The following PRKCH variants were observed in gnomAD, a reference collection of about 807,000 sequenced individuals.
The protein encoded by PRKCH is protein kinase C eta, also known as protein kinase C eta type.
A neutral mutation model predicts 82.5 loss-of-function variants in PRKCH; 28 were observed. The observed-to-expected ratio is 0.34, with a 90% CI of 0.25 to 0.47. The LOEUF is 0.47. Among genes scored for constraint, PRKCH ranks in the 20% least tolerant of loss-of-function variants. The probability of loss-of-function intolerance (pLI) is 1.00; values close to 1 mark genes in which losing one functional copy is unlikely to be tolerated. For missense variants in PRKCH, 705 were observed against 881.8 expected, an observed-to-expected ratio of 0.80 and a Z score of 2.54; for synonymous variants, 322 against 327.4, an observed-to-expected ratio of 0.98 and a Z score of 0.18.
At chr14:61,225,191 C>G (rs1450133769) in intron 1 of PRKCH, among the ~76,000 whole-genome samples, 5 of 152,132 alleles carry the variant, frequency 3.3e-5, no homozygotes, top group Non-Finnish European at 7.4e-5. Flanking sequence ...GTGTGGCTCA[C>G]AGCATGGTTA....
At chr14:61,454,999 T>A (rs1176924210) in intron 7 of PRKCH, among the ~76,000 whole-genome samples, 2 of 151,968 alleles carry the variant, frequency 1.3e-5, no homozygotes, top group Non-Finnish European at 2.9e-5. Flanking sequence ...ACTGAAGGAC[T>A]CCTGCCTAGT....
At chr14:61,320,058 GGCTCAT>G (rs890824116), upstream of PRKCH, among the ~76,000 whole-genome samples, 33 of 152,172 alleles carry the variant, frequency 2.2e-4, no homozygotes, top group African/African-American at 8.0e-4. Context: ...CAGGCACGGG[GGCTCAT>G]GCCTGTAATC....
intron 10 of PRKCH, among the ~76,000 whole-genome samples, chr14:61,509,441 C>T (rs540534432): frequency 2.0e-5 from 3 of 152,222 alleles, no homozygotes; most frequent in Admixed American, 1.3e-4. Flanking sequence ...CTGTTTACCT[C>T]TGAAGATCAA....
chr14:61,333,964 A>G (rs2045821358), intron 1 of PRKCH, among the ~76,000 whole-genome samples: 1 of 152,102 alleles, frequency 6.6e-6, no homozygotes, highest in Non-Finnish European at 1.5e-5. Flanking sequence ...CCCGTGACCC[A>G]GCAGATTTTT....
intron 1 of PRKCH, chr14:61,298,696 G>C (rs1164217482): frequency 6.6e-6 from 1 of 151,276 alleles, no homozygotes; most frequent in Non-Finnish European, 1.5e-5. Flanking sequence ...AGATATCTGA[G>C]AGTAAGAGGG....
At chr14:61,291,639 T>C (rs1237877598) in intron 1 of PRKCH, among the ~76,000 whole-genome samples, 3 of 152,190 alleles carry the variant, frequency 2.0e-5, no homozygotes, top group Admixed American at 6.5e-5. Flanking sequence ...TGCCCTCTGG[T>C]TCTTGATAAT....
chr14:61,419,155 A>G (rs979624570), intron 2 of PRKCH, among the ~76,000 whole-genome samples: 2 of 152,236 alleles, frequency 1.3e-5, no homozygotes, highest in East Asian at 1.9e-4. Flanking sequence ...CCAAAGACCT[A>G]TTATAGGAAT....
chr14:61,443,382 C>A lies in PRKCH; in HGVS notation c.578+121C>A, dbSNP rs977955343. 6 of 1,079,192 alleles carry A rather than the reference C, an allele frequency of 5.6e-6. No homozygotes were observed. The African/African-American group carries it at 9.7e-5, about 17-fold the overall frequency. 66.9% of individuals were successfully genotyped at this position (1,079,192 alleles called of 1,614,324 possible). ...GAATTCTTTCAGGATCTGATTTTTG[C>A]CTCTTACTCTAGTATGTTGACCCAG... On this transcript the variant is annotated intron_variant, in intron 3 of 13. Coordinates refer to ENST00000332981, the MANE Select transcript of PRKCH (RefSeq NM_006255.5).
intron 1 of PRKCH, among the ~76,000 whole-genome samples, chr14:61,220,716 G>A (rs1206246100): frequency 6.6e-6 from 1 of 152,046 alleles, no homozygotes; most frequent in Non-Finnish European, 1.5e-5. Context: ...TAAGGAAAGA[G>A]CAGATATATT....
At chr14:61,481,425 C>T (rs1385536900) in intron 9 of PRKCH, among the ~76,000 whole-genome samples, 3 of 152,164 alleles carry the variant, frequency 2.0e-5, no homozygotes, top group Admixed American at 6.5e-5. Flanking sequence ...GGTGGTTACT[C>T]GTGTCCCTTA....
chr14:61,533,563 G>T (rs1020324432), intron 12 of PRKCH, among the ~76,000 whole-genome samples: 3 of 152,228 alleles, frequency 2.0e-5, no homozygotes, highest in African/African-American at 7.2e-5. Flanking sequence ...GAGCTGCCTG[G>T]GGGCAGATCT....
intron 10 of PRKCH, among the ~76,000 whole-genome samples, chr14:61,503,882 T>C (rs1476374755): frequency 2.0e-5 from 3 of 152,194 alleles, no homozygotes; most frequent in African/African-American, 4.8e-5. Flanking sequence ...ACCTGTGTTA[T>C]ACTTTGTGTT....
chr14:61,378,206 TTTTTTC>T (rs1315504062), intron 1 of PRKCH, among the ~76,000 whole-genome samples: 1 of 149,078 alleles, frequency 6.7e-6, no homozygotes, highest in Non-Finnish European at 1.5e-5. Context: ...CTAGGGCTTT[TTTTTTC>T]TTTTTCTTTT....
At chr14:61,232,295 G>A (rs962826690) in intron 1 of PRKCH, among the ~76,000 whole-genome samples, 2 of 152,180 alleles carry the variant, frequency 1.3e-5, no homozygotes. Context: ...GAATGATCTC[G>A]GCTCACTGCA....
rs779867848 is a variant in PRKCH, at chr14:61,457,607, C to T, written c.1206C>T (p.Thr402=). Residue 402 remains threonine, a synonymous_variant, in exon 9 of 14, where the codon ACC becomes ACT. Transcript: ENST00000332981. ...ATGATGATGTGGAATGCACCATGAC[C>T]GAGAAAAGGATCCTGTCTCTGGCCC... The part of the protein sequence containing the change: ...LQDDDVECTM[T]EKRILSLARN... 3.3e-5 allele frequency: 54 copies of T among 1,613,966 alleles called. No individual in the cohort carries two copies. The highest frequency in any genetic ancestry group is 1.2e-4 in the Admixed American group (7 of 59,978).
chr14:61,269,162 A>T (rs1331120504), intron 1 of PRKCH, among the ~76,000 whole-genome samples: 2 of 152,194 alleles, frequency 1.3e-5, no homozygotes, highest in Non-Finnish European at 2.9e-5. Context: ...TAAAACTAAC[A>T]TATTTGTGAA....
At chr14:61,224,576 C>A (rs925195943) in intron 1 of PRKCH, among the ~76,000 whole-genome samples, 1 of 152,086 alleles carries the variant, frequency 6.6e-6, no homozygotes, top group Non-Finnish European at 1.5e-5. Context: ...AATGTCCCTC[C>A]GTTGGGGTTT....
At chr14:61,428,630 GT>G (rs1470624727) in intron 2 of PRKCH, among the ~76,000 whole-genome samples, 1 of 152,176 alleles carries the variant, frequency 6.6e-6, no homozygotes, top group Non-Finnish European at 1.5e-5. Context: ...GGGGTGGTTT[GT>G]TGTAGGACCT....
At chr14:61,487,928 C>T (rs1319309726) in intron 10 of PRKCH, among the ~76,000 whole-genome samples, 99 of 151,918 alleles carry the variant, frequency 6.5e-4, no homozygotes, top group African/African-American at 8.7e-4. Flanking sequence ...CCGAGGCGGG[C>T]GGATCACGAG....
Sources: allele counts gnomAD v4.1 joint callset (sites outside exome capture counted in the v4.1 genomes callset), GRCh38; gene constraint gnomAD v4.1.1; transcripts MANE v1.5; gene names NCBI Gene and HGNC (gene_info 2026-07-23, HGNC 2026-07-21).